MPDZ: variants seen among roughly 807,000 people sequenced by gnomAD.
MPDZ encodes multiple PDZ domain crumbs cell polarity complex component, also known as multiple PDZ domain protein.
A neutral mutation model predicts 239.1 loss-of-function variants in MPDZ; 234 were observed. The ratio of observed to expected loss-of-function variants is 0.98; its 90% CI spans 0.88 to 1.09. The LOEUF (loss-of-function observed/expected upper bound fraction) is 1.09. Among genes scored for constraint, MPDZ ranks in the 50% least tolerant of loss-of-function variants. The pLI is 0.00. For synonymous variants in MPDZ, 1,048 were observed against 881.3 expected (o/e 1.19, Z -3.35); for missense variants, 3,175 against 2,510.0 (o/e 1.26, Z -5.66).
intron 32 of MPDZ, among the ~76,000 whole-genome samples, chr9:13,127,246 C>A (rs950266118): frequency 6.6e-6 from 1 of 152,154 alleles, no homozygotes; most frequent in African/African-American, 2.4e-5. Context: ...ATTACTGATG[C>A]AGACTCTGTC....
chr9:13,257,981 G>A (rs1969831268), intron 1 of MPDZ, among the ~76,000 whole-genome samples: 1 of 152,102 alleles, frequency 6.6e-6, no homozygotes, highest in South Asian at 2.1e-4. Context: ...CACGCTTCCT[G>A]TAAAACTTTA....
At chr9:13,151,909 A>T (rs1198913254) in intron 24 of MPDZ, among the ~76,000 whole-genome samples, 1 of 152,144 alleles carries the variant, frequency 6.6e-6, no homozygotes, top group Admixed American at 6.6e-5. Context: ...AAGATAGTTT[A>T]AAATACCTTC....
chr9:13,230,354 T>C (rs1178739147), intron 3 of MPDZ, among the ~76,000 whole-genome samples: 1 of 152,006 alleles, frequency 6.6e-6, no homozygotes, highest in Non-Finnish European at 1.5e-5. Context: ...CCATACACAA[T>C]CGCTCACAGC....
At chr9:13,133,929 A>C in intron 31 of MPDZ, 25 bp from the exon 32 acceptor site, 4 of 1,384,700 alleles carry the variant, frequency 2.9e-6, no homozygotes, top group Non-Finnish European at 3.9e-6. Flanking sequence ...GAAATGACAA[A>C]AAGAGCAACT....
At chr9:13,178,430 T>A (rs1952807074) in intron 19 of MPDZ, among the ~76,000 whole-genome samples, 1 of 152,158 alleles carries the variant, frequency 6.6e-6, no homozygotes, top group Non-Finnish European at 1.5e-5. Context: ...CTGACAATTA[T>A]CAAGGATAAG....
intron 15 of MPDZ, among the ~76,000 whole-genome samples, chr9:13,191,726 C>G (rs1387182307): frequency 6.6e-6 from 1 of 152,144 alleles, no homozygotes; most frequent in East Asian, 1.9e-4. Flanking sequence ...ACTATGTACA[C>G]ACTATATACT....
intron 26 of MPDZ, among the ~76,000 whole-genome samples, chr9:13,145,482 G>C (rs1363764578): frequency 6.6e-6 from 1 of 151,948 alleles, no homozygotes; most frequent in Non-Finnish European, 1.5e-5. Flanking sequence ...TTTCCTAGGA[G>C]CTTTATCCTA....
In MPDZ at chr9:13,123,748, A is replaced by C. The variant is rs1944714721; in HGVS notation, c.4808-450T>G. On this transcript the variant is annotated intron_variant, in intron 35 of 46. Transcript: ENST00000319217. ...TAGAAGTACATTCAGGGAATACCAC[A>C]AAACATATCAATAATTTTGGTTCTG... is the stretch of plus-strand genomic sequence containing the variant. Among the ~76,000 whole-genome samples, 3 of 152,222 alleles carry C rather than the reference A, an allele frequency of 2.0e-5. No homozygotes were observed. The South Asian group carries it at 6.2e-4, about 32-fold the overall frequency.
chr9:13,172,544 C>G (rs148673121), intron 21 of MPDZ, among the ~76,000 whole-genome samples: 258 of 152,064 alleles, frequency 1.7e-3, no homozygotes, highest in African/African-American at 6.0e-3. Context: ...CACCACCACG[C>G]TCAGCTAATT....
intron 12 of MPDZ, among the ~76,000 whole-genome samples, chr9:13,199,791 C>T (rs550693489): frequency 2.0e-5 from 3 of 152,086 alleles, no homozygotes; most frequent in South Asian, 2.1e-4. Context: ...GAAACATCCT[C>T]GCATCCTTGG....
Position 13,125,324 on chromosome 9 carries a change from A to C in MPDZ, c.4699T>G (p.Ser1567Ala). Residue 1567 changes from serine (S) to alanine (A), a missense_variant, in exon 35 of 47, where the codon TCC becomes GCC. Physicochemically the swap from Ser to Ala is moderately conservative, Grantham distance 99. Transcript: ENST00000319217. ...CCAGCTGCTGAAGGAACAGCCTGGGAATCTGGATTCTCAGCATGGATGGTA... is the reference window on the plus strand; with the variant it reads ...CCAGCTGCTGAAGGAACAGCCTGGGCATCTGGATTCTCAGCATGGATGGTA... Reference protein sequence around the residue: ...KLTIHAENPDSQAVPSAAGAA... With the variant: ...KLTIHAENPDAQAVPSAAGAA... The C allele has an allele frequency of 1.9e-6, 3 of 1,613,846 alleles. No homozygotes were observed. Among genetic ancestry groups the C allele is most frequent in the African/African-American group, 1.3e-5 (1 of 75,044 alleles).
chr9:13,150,604 T>A lies in MPDZ; in HGVS notation c.3537A>T (p.Gly1179=). Residue 1179 remains glycine, a synonymous_variant, in exon 25 of 47, where the codon GGA becomes GGT. Transcript: ENST00000319217. ...TGATGAAAATGCCCCTCATCACTTC[T>A]CCATTGCTTAGCCGACTCCCCATCC... is the stretch of plus-strand genomic sequence containing the variant. The part of the protein sequence containing the change: ...GRGMGSRLSN[G]EVMRGIFIKH... 6.4e-7 allele frequency: 1 copy of A among 1,552,188 alleles called. No individual in the cohort carries two copies. Among genetic ancestry groups the A allele is most frequent in the Non-Finnish European group, 8.7e-7 (1 of 1,147,644 alleles).
intron 42 of MPDZ, among the ~76,000 whole-genome samples, chr9:13,112,591 G>A (rs1586871962): frequency 6.6e-6 from 1 of 152,214 alleles, no homozygotes; most frequent in Non-Finnish European, 1.5e-5. Flanking sequence ...TAAATGACAT[G>A]ATGATGACAT....
Position 13,106,991 on chromosome 9 carries a change from T to G in MPDZ, c.6187A>C (p.Thr2063Pro). Residue 2063 changes from threonine (T) to proline (P), a missense_variant, in exon 47 of 47, where the codon ACT (threonine) becomes CCT (proline). By Grantham distance (38) the Thr-to-Pro change is conservative. Transcript: ENST00000319217. The stretch of plus-strand genomic sequence containing the variant: ...CAAGAGAGAACCATCAAAGTGACAG[T>G]GCCTTTTGTCCGTTTAAGGATGGCA... ...AVAILKRTKGTVTLMVLS is the reference protein window; with the variant it reads ...AVAILKRTKGPVTLMVLS The G allele has an allele frequency of 6.2e-7, 1 of 1,613,734 alleles. No individual in the cohort carries two copies. Among genetic ancestry groups the G allele is most frequent in the East Asian group, 2.2e-5 (1 of 44,880 alleles).
intron 31 of MPDZ, 122 bp downstream of exon 31, chr9:13,135,970 G>A: frequency 4.6e-6 from 3 of 648,184 alleles, no homozygotes; most frequent in Non-Finnish European, 7.9e-6. Flanking sequence ...CTCCTTGAAG[G>A]CCAAGGCTAT....
chr9:13,174,395 G>C (rs1003294657), intron 21 of MPDZ, among the ~76,000 whole-genome samples: 1 of 152,138 alleles, frequency 6.6e-6, no homozygotes, highest in African/African-American at 2.4e-5. Flanking sequence ...TAGAATAATA[G>C]TTCTCAGATA....
intron 1 of MPDZ, among the ~76,000 whole-genome samples, chr9:13,254,486 TTTA>T (rs1588140774): frequency 6.6e-6 from 1 of 152,182 alleles, no homozygotes; most frequent in Non-Finnish European, 1.5e-5. Context: ...ATTGTTCAAT[TTTA>T]TTATTAGTTG....
intron 22 of MPDZ, among the ~76,000 whole-genome samples, chr9:13,166,650 T>C (rs1451200767): frequency 5.9e-5 from 9 of 152,060 alleles, no homozygotes; most frequent in Admixed American, 4.6e-4. Context: ...TAAGATTCTA[T>C]AGTACATTTT....
intron 29 of MPDZ, among the ~76,000 whole-genome samples, chr9:13,137,402 G>A (rs930281374): frequency 1.3e-5 from 2 of 152,152 alleles, no homozygotes; most frequent in African/African-American, 4.8e-5. Flanking sequence ...GAGTATAAAG[G>A]CAGTATAAAA....
Sources: gnomAD v4.1 joint callset for allele counts (sites outside exome capture counted in the v4.1 genomes callset) on GRCh38, gnomAD v4.1.1 for gene constraint, MANE v1.5 for transcripts, NCBI Gene and HGNC (gene_info 2026-07-23, HGNC 2026-07-21) for gene names.